The following TG variants were observed in gnomAD, a reference collection of about 807,000 sequenced individuals.
The protein encoded by TG is thyroid hormones.
TG carries 270 observed loss-of-function variants against 324.7 expected under a neutral mutation model. The observed-to-expected ratio is 0.83, with a 90% CI of 0.75 to 0.92. The LOEUF (loss-of-function observed/expected upper bound fraction) is 0.92. TG is among the 40% of genes least tolerant of loss of function. TG has a pLI of 0.00. For synonymous variants in TG, 1,401 were observed against 1,327.0 expected (o/e 1.06, Z -1.21); for missense variants, 3,591 against 3,456.4 (o/e 1.04, Z -0.98).
At chr8:132,920,551 C>T (rs1820958081) in intron 21 of TG, among the ~76,000 whole-genome samples, 2 of 152,232 alleles carry the variant, frequency 1.3e-5, no homozygotes, top group Admixed American at 6.5e-5. Flanking sequence ...GACATCTGGG[C>T]ATCACCCTCA....
At chr8:132,892,576 A>G (rs941872697) in intron 10 of TG, among the ~76,000 whole-genome samples, 1 of 152,312 alleles carries the variant, frequency 6.6e-6, no homozygotes, top group Admixed American at 6.5e-5. Context: ...AACAAGGAAC[A>G]TTCCAGGTTG....
At chr8:133,116,264 T>C (rs911509474) in intron 44 of TG, among the ~76,000 whole-genome samples, 2 of 152,258 alleles carry the variant, frequency 1.3e-5, no homozygotes, top group Non-Finnish European at 2.9e-5. Context: ...TTTACGTTAC[T>C]ATAAAATGTT....
intron 45 of TG, among the ~76,000 whole-genome samples, chr8:133,117,806 T>C (rs749127263): frequency 2.0e-5 from 3 of 152,240 alleles, no homozygotes; most frequent in Non-Finnish European, 4.4e-5. Context: ...GTCTATTTTA[T>C]GGGCAACAGG....
At chr8:132,899,828 G>A (rs1817660551) in intron 14 of TG, among the ~76,000 whole-genome samples, 1 of 152,206 alleles carries the variant, frequency 6.6e-6, no homozygotes, top group Non-Finnish European at 1.5e-5. Flanking sequence ...GCCAGTTCCT[G>A]TGGAGGACTC....
rs114811943 is a variant in TG at position 132,896,527 on chromosome 8, C to T, written c.3002-1122C>T. On this transcript the variant is annotated intron_variant, in intron 11 of 47. Coordinates refer to ENST00000220616, the MANE Select transcript of TG (RefSeq NM_003235.5). ...TCCCTCCAGGATCCTGGTGAGGAGC[C>T]CCAACCTGCCCCAAGTGCCAGCAGG... is the stretch of plus-strand genomic sequence containing the variant. 3.6e-3 allele frequency among the ~76,000 whole-genome samples: 550 copies of T among 152,272 alleles called. 2 individuals are homozygous for T. Among genetic ancestry groups the T allele is most frequent in the African/African-American group, 0.012 (509 of 41,542 alleles).
chr8:133,107,232 C>T (rs1232885346), intron 43 of TG, among the ~76,000 whole-genome samples: 1 of 152,140 alleles, frequency 6.6e-6, no homozygotes, highest in African/African-American at 2.4e-5. Context: ...TAGATTTGAA[C>T]CTGAGTCTCT....
At chr8:133,038,614 A>G (rs1272910052) in intron 41 of TG, 4 of 1,614,080 alleles carry the variant, frequency 2.5e-6, no homozygotes, top group Non-Finnish European at 3.4e-6. Flanking sequence ...TCTTTCGATC[A>G]AAGGAGGTGT....
chr8:133,069,975 G>T (rs2896692), intron 41 of TG, among the ~76,000 whole-genome samples: 114,914 of 136,578 alleles, frequency 0.84, 48,564 homozygotes, highest in African/African-American at 0.94. Flanking sequence ...AACTTCAGTC[G>T]GGGTGACAGA....
At position 132,945,595 on chromosome 8, in the gene TG, G is replaced by A. The variant is rs563667964; in HGVS notation, c.5234-3181G>A. 3.3e-5 allele frequency among the ~76,000 whole-genome samples: 5 copies of A among 152,278 alleles called. No individual in the cohort carries two copies. The East Asian group carries it at 7.7e-4, about 23-fold the overall frequency. ...ATATAAATGTGTAAATTACAGCTTCGAGGTGGTATCAAATGTGTGGATATG... is the reference window on the plus strand; with the variant it reads ...ATATAAATGTGTAAATTACAGCTTCAAGGTGGTATCAAATGTGTGGATATG... On this transcript the variant is annotated intron_variant, in intron 26 of 47. Coordinates refer to ENST00000220616, the MANE Select transcript of TG (RefSeq NM_003235.5).
intron 41 of TG, among the ~76,000 whole-genome samples, chr8:133,041,458 G>A (rs1838225449): frequency 6.6e-6 from 1 of 152,230 alleles, no homozygotes; most frequent in South Asian, 2.1e-4. Flanking sequence ...GAAATGGGAG[G>A]TGAGACCATG....
chr8:133,058,987 TG>T, intron 41 of TG: 1 of 468,930 alleles, frequency 2.1e-6, no homozygotes, highest in East Asian at 6.6e-5. Context: ...CCACACAAGC[TG>T]GGCCTGTCCA....
At chr8:133,000,881 C>T (rs1040420409) in intron 35 of TG, among the ~76,000 whole-genome samples, 5 of 152,158 alleles carry the variant, frequency 3.3e-5, no homozygotes, top group African/African-American at 1.2e-4. Flanking sequence ...AACTGGGTAG[C>T]TTCAACAACA....
chr8:132,891,284 G>A (rs1287842199), intron 10 of TG, among the ~76,000 whole-genome samples: 16 of 152,156 alleles, frequency 1.1e-4, no homozygotes, highest in Admixed American at 1.0e-3. Context: ...GACGTAGGAG[G>A]GGAGGGGATG....
chr8:133,103,005 G>A (rs1484099996), intron 43 of TG: 1 of 213,702 alleles, frequency 4.7e-6, no homozygotes, highest in East Asian at 1.3e-4. Flanking sequence ...CCAGTCTTTG[G>A]TGACAGATTA....
intron 43 of TG, among the ~76,000 whole-genome samples, chr8:133,101,221 A>G (rs1849207564): frequency 6.6e-6 from 1 of 152,166 alleles, no homozygotes; most frequent in Non-Finnish European, 1.5e-5. Flanking sequence ...CCCCACACAG[A>G]ACTGCAAGAG....
chr8:133,112,724 A>G (rs1037776095), intron 43 of TG, among the ~76,000 whole-genome samples: 3 of 152,180 alleles, frequency 2.0e-5, no homozygotes, highest in African/African-American at 7.2e-5. Context: ...GCCATCCTAT[A>G]TAAAATAGCC....
chr8:133,116,876 C>A (rs563355650), intron 45 of TG, among the ~76,000 whole-genome samples, 160 bp downstream of exon 45: 1 of 125,862 alleles, frequency 7.9e-6, no homozygotes, highest in Non-Finnish European at 1.8e-5. Context: ...GTCTTGCAGG[C>A]GGGGAAAGTT....
chr8:133,037,069 A>G (rs1220949015), intron 41 of TG: 1 of 152,268 alleles, frequency 6.6e-6, no homozygotes, highest in Non-Finnish European at 1.5e-5. Context: ...GTAACTGCAC[A>G]TACACATACC....
intron 2 of TG, 37 bp downstream of exon 2, chr8:132,868,260 A>G: frequency 6.3e-7 from 1 of 1,590,512 alleles, no homozygotes. Flanking sequence ...TCAAGGTCCA[A>G]GATGCCATAA....
Sources: allele counts gnomAD v4.1 joint callset (sites outside exome capture counted in the v4.1 genomes callset), GRCh38; gene constraint gnomAD v4.1.1; transcripts MANE v1.5; gene names NCBI Gene and HGNC (gene_info 2026-07-23, HGNC 2026-07-21).